ASMTL: variants seen among roughly 807,000 people sequenced by gnomAD.
The protein encoded by ASMTL is probable bifunctional dTTP/UTP pyrophosphatase/methyltransferase protein.
Under a neutral mutation model 60.3 loss-of-function variants are expected in ASMTL, and 57 were observed. That is an observed-to-expected ratio of 0.95 (90% confidence interval 0.76 to 1.18). The LOEUF (loss-of-function observed/expected upper bound fraction) is 1.18. ASMTL is among the 50% of genes most tolerant of loss of function. The pLI is 0.00. For missense variants in ASMTL, 981 were observed against 852.6 expected, an observed-to-expected ratio of 1.15 and a Z score of -1.88; for synonymous variants, 419 against 373.0, an observed-to-expected ratio of 1.12 and a Z score of -1.42.
chrX:1,434,794 CAAAA>C (rs35102054), intron 5 of ASMTL, among the ~76,000 whole-genome samples: 4 of 117,554 alleles, frequency 3.4e-5, no homozygotes, highest in Admixed American at 9.2e-5. Flanking sequence ...GACTCCATCT[CAAAA>C]AAAAAAAAAA....
chrX:1,414,685 GTGAC>G (rs2090167039), intron 11 of ASMTL, among the ~76,000 whole-genome samples: 2 of 152,158 alleles, frequency 1.3e-5, no homozygotes, highest in African/African-American at 2.4e-5. Context: ...TCCAGCCTGG[GTGAC>G]AGAGCGAGAC....
chrX:1,443,688 C>T (rs1479011655), intron 1 of ASMTL, among the ~76,000 whole-genome samples: 6 of 140,242 alleles, frequency 4.3e-5, no homozygotes, highest in Admixed American at 2.1e-4. Context: ...ACACCGCCAT[C>T]GTGGACACAC....
intron 5 of ASMTL, among the ~76,000 whole-genome samples, chrX:1,432,810 C>A (rs1213473514): frequency 1.3e-5 from 2 of 152,154 alleles, no homozygotes. Flanking sequence ...GCCTGGGCCA[C>A]AGAGCGAGAC....
At chrX:1,419,168 C>A (rs2090404403) in intron 9 of ASMTL, 54 bp from the exon 10 acceptor site, 7 of 1,593,028 alleles carry the variant, frequency 4.4e-6, no homozygotes, top group Non-Finnish European at 6.0e-6. Flanking sequence ...GAGGGCTCGC[C>A]CAGCCTCTCC....
At chrX:1,413,356 G>A (rs1334897921) in intron 11 of ASMTL, among the ~76,000 whole-genome samples, 2 of 150,582 alleles carry the variant, frequency 1.3e-5, no homozygotes, top group African/African-American at 4.9e-5. Context: ...GAAGGCAAGG[G>A]AGGAAAAAAG....
At chrX:1,453,430 G>A (rs1355287628), upstream of ASMTL, among the ~76,000 whole-genome samples, 2 of 151,054 alleles carry the variant, frequency 1.3e-5, no homozygotes, top group East Asian at 3.9e-4. Context: ...CGCCCCCGGC[G>A]CTCGCCCCGC....
At chrX:1,429,243 C>T (rs1274179578) in intron 6 of ASMTL, among the ~76,000 whole-genome samples, 1 of 151,466 alleles carries the variant, frequency 6.6e-6, no homozygotes, top group Non-Finnish European at 1.5e-5. Context: ...AAGACAGGGT[C>T]TCACTCGGTT....
intron 12 of ASMTL, among the ~76,000 whole-genome samples, chrX:1,411,801 A>ATT (rs2090034341): frequency 5.4e-5 from 5 of 92,374 alleles, no homozygotes; most frequent in Admixed American, 2.5e-4. Flanking sequence ...TCTCTTTAGG[A>ATT]TTTTCTTTTT....
At chrX:1,421,578 G>T in intron 9 of ASMTL, 80 bp downstream of exon 9, 1 of 1,460,456 alleles carries the variant, frequency 6.8e-7, no homozygotes, top group Non-Finnish European at 9.5e-7. Context: ...ACTGGTCAAG[G>T]TGCCTACTGA....
chrX:1,403,839 T>TA (rs1461117559), intron 12 of ASMTL, among the ~76,000 whole-genome samples: 1 of 151,982 alleles, frequency 6.6e-6, no homozygotes, highest in Non-Finnish European at 1.5e-5. Flanking sequence ...GAAGGATGGA[T>TA]GGATGAACAG....
At chrX:1,451,365 G>C (rs1470486200) in intron 1 of ASMTL, among the ~76,000 whole-genome samples, 1 of 138,380 alleles carries the variant, frequency 7.2e-6, no homozygotes, top group Admixed American at 7.1e-5. Context: ...TGGGGGTCCC[G>C]GGTCACCCTT....
rs1250070441 is a variant in ASMTL at position 1,435,769 on chromosome X, A to C, written c.274-11T>G. 6.2e-7 allele frequency: 1 copy of C among 1,612,920 alleles called. No homozygotes were observed. Among genetic ancestry groups the C allele is most frequent in the Non-Finnish European group, 8.5e-7 (1 of 1,179,264 alleles). ...CAGCCCCCCGACTGTCTGTGAGAGGAAGGGACAGAGGGAGTTGGTTCCCAC... is the reference window on the plus strand; with the variant it reads ...CAGCCCCCCGACTGTCTGTGAGAGGCAGGGACAGAGGGAGTTGGTTCCCAC... On this transcript the variant is annotated splice_polypyrimidine_tract_variant and intron_variant, in intron 3 of 12. Transcript: ENST00000381317.
chrX:1,438,329 G>A (rs2091025302), intron 3 of ASMTL, among the ~76,000 whole-genome samples: 1 of 152,122 alleles, frequency 6.6e-6, no homozygotes, highest in Non-Finnish European at 1.5e-5. Context: ...ACCCAGAGGG[G>A]AGAAGGCCAC....
Position 1,428,140 on chromosome X carries a change from G to A in ASMTL, c.510-19C>T. 1 of 1,588,400 alleles carries A rather than the reference G, an allele frequency of 6.3e-7. No homozygotes were observed. Among genetic ancestry groups the A allele is most frequent in the Non-Finnish European group, 8.6e-7 (1 of 1,163,330 alleles). ...TTTGTCCCTGGGTGGGCAGGGGAAG[G>A]TAAGAGGTGACAAGGAGGAGAAAAG... On this transcript the variant is annotated intron_variant, in intron 6 of 12. Coordinates refer to ENST00000381317, the MANE Select transcript of ASMTL (RefSeq NM_004192.4).
chrX:1,422,769 T>C (rs1220394024), intron 8 of ASMTL, among the ~76,000 whole-genome samples: 1 of 152,036 alleles, frequency 6.6e-6, no homozygotes, highest in Non-Finnish European at 1.5e-5. Flanking sequence ...GTCAGATAGA[T>C]GACATTTATT....
chrX:1,412,258 C>G (rs1457218512), intron 12 of ASMTL, among the ~76,000 whole-genome samples: 2 of 152,034 alleles, frequency 1.3e-5, no homozygotes, highest in African/African-American at 4.8e-5. Context: ...CACCGAATCT[C>G]ACTCCGTCGC....
chrX:1,431,655 A>C (rs2090793003), intron 6 of ASMTL, among the ~76,000 whole-genome samples: 1 of 146,912 alleles, frequency 6.8e-6, no homozygotes, highest in Admixed American at 6.9e-5. Flanking sequence ...TAATTTGTAT[A>C]ATGTAGATTA....
At chrX:1,434,489 C>CAAAAAAAAAA (rs34994213) in intron 5 of ASMTL, among the ~76,000 whole-genome samples, 1 of 113,876 alleles carries the variant, frequency 8.8e-6, no homozygotes, top group Non-Finnish European at 1.8e-5. Flanking sequence ...GACCCTGTCT[C>CAAAAAAAAAA]AAAAAAAAAA....
chrX:1,410,624 G>C (rs1372498104), intron 12 of ASMTL, among the ~76,000 whole-genome samples: 2 of 152,028 alleles, frequency 1.3e-5, no homozygotes, highest in Non-Finnish European at 2.9e-5. Context: ...ACGTGGCTTA[G>C]GCTGGTCTCG....
Sources: allele counts gnomAD v4.1 joint callset (sites outside exome capture counted in the v4.1 genomes callset), GRCh38; gene constraint gnomAD v4.1.1; transcripts MANE v1.5; gene names NCBI Gene and HGNC (gene_info 2026-07-23, HGNC 2026-07-21).